MTUS2: variants seen among roughly 807,000 people sequenced by gnomAD.
MTUS2 encodes the protein microtubule associated scaffold protein 2.
In MTUS2, 40 loss-of-function variants were observed where a neutral mutation model predicts 114.1. That is an observed-to-expected ratio of 0.35 (90% CI 0.27 to 0.46). The LOEUF (loss-of-function observed/expected upper bound fraction) is 0.46, where lower values mean the gene tolerates loss of function less well. Ranked by LOEUF, MTUS2 falls within the 20% of genes least tolerant of loss-of-function variation. The pLI is 1.00. For missense variants in MTUS2, 1,679 were observed against 1,705.4 expected (o/e 0.98, Z 0.27); for synonymous variants, 688 against 672.0 (o/e 1.02, Z -0.37).
intron 5 of MTUS2, among the ~76,000 whole-genome samples, chr13:29,171,919 A>G (rs1893578011): frequency 6.6e-6 from 1 of 152,208 alleles, no homozygotes; most frequent in Non-Finnish European, 1.5e-5. Context: ...CTATAGTTCT[A>G]CTTACGTCTC....
intron 5 of MTUS2, among the ~76,000 whole-genome samples, chr13:29,201,381 T>C (rs897329041): frequency 2.8e-4 from 43 of 152,164 alleles, no homozygotes; most frequent in African/African-American, 9.9e-4. Flanking sequence ...TCCTCAATTT[T>C]TTTGTTTTGA....
At chr13:29,210,645 C>G (rs933881583) in intron 5 of MTUS2, among the ~76,000 whole-genome samples, 3 of 152,156 alleles carry the variant, frequency 2.0e-5, no homozygotes, top group African/African-American at 7.2e-5. Context: ...TTCTCCCTTC[C>G]CCTAGGGATG....
At chr13:28,836,019 AAGG>A (rs958458187) in intron 1 of MTUS2, among the ~76,000 whole-genome samples, 15 of 133,476 alleles carry the variant, frequency 1.1e-4, no homozygotes, top group Admixed American at 3.3e-4. Context: ...GTTTATTAAT[AAGG>A]AGGAGTTAAG....
At chr13:28,849,090 A>G (rs947671667) in intron 2 of MTUS2, among the ~76,000 whole-genome samples, 10 of 152,198 alleles carry the variant, frequency 6.6e-5, no homozygotes, top group African/African-American at 2.2e-4. Context: ...AGCTTTACTA[A>G]TGTATCCCCA....
intron 2 of MTUS2, among the ~76,000 whole-genome samples, chr13:28,915,203 G>A (rs1188111814): frequency 6.6e-6 from 1 of 151,864 alleles, no homozygotes; most frequent in Non-Finnish European, 1.5e-5. Context: ...TCTGTTGATG[G>A]ACACTTAGGT....
At chr13:29,238,177 A>G (rs910567725) in intron 5 of MTUS2, among the ~76,000 whole-genome samples, 2 of 152,224 alleles carry the variant, frequency 1.3e-5, no homozygotes, top group Admixed American at 6.5e-5. Flanking sequence ...CCATTGACAG[A>G]TACGTGAATT....
intron 2 of MTUS2, among the ~76,000 whole-genome samples, chr13:28,911,400 T>C (rs953341300): frequency 3.3e-4 from 50 of 151,800 alleles, no homozygotes; most frequent in African/African-American, 1.2e-3. Context: ...GATCTCCATC[T>C]CCTGACCTCG....
At chr13:29,096,113 C>T (rs9508269) in intron 4 of MTUS2, among the ~76,000 whole-genome samples, 11,242 of 152,188 alleles carry the variant, frequency 0.074, 561 homozygotes, top group Non-Finnish European at 0.11. Context: ...CTCTCTTCCT[C>T]TCTGGGGCTT....
At chr13:29,237,655 C>T (rs9550455) in intron 5 of MTUS2, among the ~76,000 whole-genome samples, 115,503 of 152,144 alleles carry the variant, frequency 0.76, 43,977 homozygotes, top group East Asian at 0.89. Flanking sequence ...TCTGTGACTT[C>T]GATTCTCTCT....
chr13:29,192,277 ACT>A (rs1252112356), intron 5 of MTUS2, among the ~76,000 whole-genome samples: 1 of 152,154 alleles, frequency 6.6e-6, no homozygotes, highest in Non-Finnish European at 1.5e-5. Flanking sequence ...TAGGTATGTG[ACT>A]CTGTTCAAAG....
intron 8 of MTUS2, among the ~76,000 whole-genome samples, chr13:29,381,496 T>C (rs1872203589): frequency 6.6e-6 from 1 of 152,232 alleles, no homozygotes; most frequent in African/African-American, 2.4e-5. Context: ...ATATGTTTAC[T>C]ATGTGGCAAG....
At chr13:28,999,015 G>GTGGTTTT (rs1278542637) in intron 2 of MTUS2, among the ~76,000 whole-genome samples, 1 of 152,106 alleles carries the variant, frequency 6.6e-6, no homozygotes, top group Non-Finnish European at 1.5e-5. Flanking sequence ...CCCCATCTTT[G>GTGGTTTT]TGGTTTTATC....
At chr13:29,365,510 T>TTGGGTTTGTGTGTGTGTGTGTGTG (rs1555269729) in intron 8 of MTUS2, among the ~76,000 whole-genome samples, 1 of 146,822 alleles carries the variant, frequency 6.8e-6, no homozygotes, top group Non-Finnish European at 1.5e-5. Context: ...TTGTTTGGGT[T>TTGGGTTTGTGTGTGTGTGTGTGTG]TGTGTGTGTG....
chr13:29,085,452 A>G (rs1368963397), intron 4 of MTUS2, among the ~76,000 whole-genome samples: 1 of 152,164 alleles, frequency 6.6e-6, no homozygotes, highest in Non-Finnish European at 1.5e-5. Context: ...TCCCTGCTTA[A>G]GTAGACCCCA....
At chr13:28,858,009 G>C (rs1180076924) in intron 2 of MTUS2, among the ~76,000 whole-genome samples, 1 of 152,158 alleles carries the variant, frequency 6.6e-6, no homozygotes, top group Admixed American at 6.5e-5. Context: ...AACAGCACTG[G>C]GTACCATGCA....
chr13:29,497,297 C>G lies in MTUS2; in HGVS notation c.3639C>G (p.Phe1213Leu), dbSNP rs760822363. 3 of 1,612,104 alleles carry G rather than the reference C, an allele frequency of 1.9e-6. No individual in the cohort carries two copies. The Admixed American group carries it at 5.0e-5, about 27-fold the overall frequency. ...SQSLRDRARR[F>L]EEALRKNTEE... ...CTCTGCGGGACAGAGCCCGCCGCTT[C>G]GAAGAGGCCTTGAGGAAGAACACAG... Residue 1213 changes from phenylalanine to leucine, a missense_variant, in exon 13 of 16, where the codon TTC becomes TTG. Physicochemically the swap from Phe to Leu is conservative, Grantham distance 22. Around this residue, in one of 3 missense-constraint regions of MTUS2, gnomAD observed 822 missense variants for 899.7 expected, o/e 0.91. Coordinates refer to ENST00000612955, the MANE Select transcript of MTUS2 (RefSeq NM_001033602.4).
intron 7 of MTUS2, among the ~76,000 whole-genome samples, chr13:29,343,705 T>TC (rs1555267412): frequency 9.8e-6 from 1 of 101,556 alleles, no homozygotes; most frequent in Non-Finnish European, 2.5e-5. Flanking sequence ...CAGTTTGGTT[T>TC]GTTTTGTTTC....
chr13:29,251,249 T>G (rs1411212746), intron 5 of MTUS2, among the ~76,000 whole-genome samples: 2 of 151,584 alleles, frequency 1.3e-5, no homozygotes, highest in African/African-American at 4.8e-5. Context: ...AGCCCCTTAA[T>G]ATCACTCAGC....
At chr13:28,842,398 C>A (rs2137992701) in intron 2 of MTUS2, among the ~76,000 whole-genome samples, 1 of 152,280 alleles carries the variant, frequency 6.6e-6, no homozygotes, top group East Asian at 1.9e-4. Context: ...TGATGTTTGG[C>A]AGCTGTGATA....
Sources: allele counts gnomAD v4.1 joint callset (sites outside exome capture counted in the v4.1 genomes callset), GRCh38; gene constraint gnomAD v4.1.1; regional missense constraint gnomAD v4.1.1; transcripts MANE v1.5; gene names NCBI Gene and HGNC (gene_info 2026-07-23, HGNC 2026-07-21).